Variants in RBM12B observed in about 807,000 individuals in gnomAD.
The protein encoded by RBM12B is RNA-binding protein 12B.
Under a neutral mutation model 34.3 loss-of-function variants are expected in RBM12B, and 10 were observed. The observed-to-expected ratio is 0.29, with a 90% CI of 0.18 to 0.49. RBM12B has a LOEUF of 0.49. Among genes scored for constraint, RBM12B ranks in the 20% least tolerant of loss-of-function variants. The probability of loss-of-function intolerance (pLI) is 0.99; values close to 1 mark genes in which losing one functional copy is unlikely to be tolerated. For synonymous variants in RBM12B, 477 were observed against 437.1 expected (o/e 1.09, Z -1.14); for missense variants, 1,139 against 1,262.7 (o/e 0.90, Z 1.48).
At chr8:93,738,472 G>A (rs1812091434) in intron 2 of RBM12B, among the ~76,000 whole-genome samples, 1 of 152,084 alleles carries the variant, frequency 6.6e-6, no homozygotes, top group Non-Finnish European at 1.5e-5. Context: ...TTTCTTTGGT[G>A]GGGGAGACAG....
Position 93,730,051 on chromosome 8 carries a change from C to A in RBM12B, c.*3354G>T, listed in dbSNP as rs1811726650. 6.6e-6 allele frequency: 1 copy of A among 152,194 alleles called. No homozygotes were observed. 9.4% of individuals were successfully genotyped at this position (152,194 alleles called of 1,614,324 possible). On this transcript the variant is annotated 3_prime_UTR_variant, in exon 4 of 4. Coordinates refer to ENST00000520560, the MANE Select transcript of RBM12B (RefSeq NM_001377960.1). ...TGCAATGAGCATTTTCTTTGAGCAT[C>A]ATGTTGGCACTCAAAAAGTTTGTGA...
chr8:93,736,241 A>G lies in RBM12B; in HGVS notation c.170T>C (p.Ile57Thr). 6.2e-7 allele frequency: 1 copy of G among 1,614,188 alleles called. No homozygotes were observed. The highest frequency in any genetic ancestry group is 8.5e-7 in the Non-Finnish European group (1 of 1,180,022). ...FATDEDARRA[I>T]SRSGGFIKDS... ...CTTGATAAACCCTCCTGAACGACTT[A>G]TGGCACGTCTTGCATCTTCATCTGT... The change falls in exon 4 of 4, where the codon ATA becomes ACA. Residue 57 changes from isoleucine (I) to threonine (T), a missense_variant. Ile to Thr is a moderately conservative substitution (Grantham distance 89). Coordinates refer to ENST00000520560, the MANE Select transcript of RBM12B (RefSeq NM_001377960.1).
At position 93,730,572 on chromosome 8, in the gene RBM12B, T is replaced by C. The variant is rs1811750916; in HGVS notation, c.*2833A>G. On this transcript the variant is annotated 3_prime_UTR_variant, in exon 4 of 4. Coordinates refer to ENST00000520560, the MANE Select transcript of RBM12B (RefSeq NM_001377960.1). ...GTGTACATGAAAATTTACTATTCTTTTTTTATATTTGAAATTGATGAGGTG... is the reference window on the plus strand; with the variant it reads ...GTGTACATGAAAATTTACTATTCTTCTTTTATATTTGAAATTGATGAGGTG... 6.6e-6 allele frequency: 1 copy of C among 152,182 alleles called. No homozygotes were observed. The highest frequency in any genetic ancestry group is 1.5e-5 in the Non-Finnish European group (1 of 68,036). 9.4% of individuals were successfully genotyped at this position (152,182 alleles called of 1,614,324 possible). A position where few individuals can be genotyped will look rare whatever the true frequency, so the allele number is the denominator to read the frequency against.
rs750938493 is a variant in RBM12B, at chr8:93,737,322, T to C, written c.-44A>G. 3.3e-5 allele frequency: 5 copies of C among 152,218 alleles called. No individual in the cohort carries two copies. The highest frequency in any genetic ancestry group is 5.9e-5 in the Non-Finnish European group (4 of 68,038). The allele number at this position is 152,218 out of a possible 1,614,324, so 9.4% of individuals were successfully genotyped here. A position where few individuals can be genotyped will look rare whatever the true frequency, so the allele number is the denominator to read the frequency against. ...GATATCTTACCTTTTTTAAAATTTC[T>C]TGGAGACCTGTTAACTCTGTAAAAG... On this transcript the variant is annotated 5_prime_UTR_variant, in exon 3 of 4. Transcript: ENST00000520560.
Position 93,732,053 on chromosome 8 carries a change from A to T in RBM12B, c.*1352T>A, listed in dbSNP as rs992668786. 2.0e-5 allele frequency: 3 copies of T among 152,232 alleles called. No individual in the cohort carries two copies. Among genetic ancestry groups the T allele is most frequent in the African/African-American group, 2.4e-5 (1 of 41,444 alleles). 9.4% of individuals were successfully genotyped at this position (152,232 alleles called of 1,614,324 possible). On this transcript the variant is annotated 3_prime_UTR_variant, in exon 4 of 4. Coordinates refer to ENST00000520560, the MANE Select transcript of RBM12B (RefSeq NM_001377960.1). ...TTCCTAATTAAAAATACCACTTAAA[A>T]AAGTGAGGCAGCAAAAGCATGAACT... is the stretch of plus-strand genomic sequence containing the variant.
chr8:93,735,632 T>C lies in RBM12B; in HGVS notation c.779A>G (p.Asn260Ser). Residue 260 changes from asparagine to serine, a missense_variant, in exon 4 of 4, where the codon AAT becomes AGT. Around this residue, in one of 3 missense-constraint regions of RBM12B, gnomAD observed 863 missense variants for 869.5 expected, o/e 0.99. Coordinates refer to ENST00000520560, the MANE Select transcript of RBM12B (RefSeq NM_001377960.1). ...AGACCGTTTTCGAAAATGTCTATCA[T>C]TAATTCCTCTTGGTGGAGAATGTTC... ...SEEHSPPRGINDRHFRKRSHS... is the reference protein window; with the variant it reads ...SEEHSPPRGISDRHFRKRSHS... 1 of 1,614,160 alleles carries C rather than the reference T, an allele frequency of 6.2e-7. No homozygotes were observed. Among genetic ancestry groups the C allele is most frequent in the Non-Finnish European group, 8.5e-7 (1 of 1,180,006 alleles).
chr8:93,736,121 C>T lies in RBM12B; in HGVS notation c.290G>A (p.Gly97Glu), dbSNP rs1244146264. 6.2e-7 allele frequency: 1 copy of T among 1,614,192 alleles called. No individual in the cohort carries two copies. Among genetic ancestry groups the T allele is most frequent in the Admixed American group, 1.7e-5 (1 of 60,028 alleles). ...RTDRVGRGRP[G>E]SGTSGVDSLS... is the part of the protein sequence containing the mutation. ...GCTGTCAACCCCTGATGTCCCAGAT[C>T]CTGGACGCCCTCTTCCTACACGATC... The change falls in exon 4 of 4, where the codon GGA (glycine) becomes GAA (glutamate). Residue 97 changes from glycine to glutamate, a missense_variant. Gly to Glu is a moderately conservative substitution (Grantham distance 98). This residue lies in a region of RBM12B where 216 missense variants were observed against 292.2 expected (regional missense o/e 0.74). Transcript: ENST00000520560.
Position 93,733,445 on chromosome 8 carries a change from C to G in RBM12B, c.2966G>C (p.Arg989Thr). The G allele has an allele frequency of 6.4e-7, 1 of 1,564,016 alleles. No homozygotes were observed. ...CTTAACTTTTCGGGGCCCAACTGGCCTATCATTTAGATCTTTAATAGCAGC... is the reference window on the plus strand; with the variant it reads ...CTTAACTTTTCGGGGCCCAACTGGCGTATCATTTAGATCTTTAATAGCAGC... ...AMAAIKDLND[R>T]PVGPRKVKLT... Residue 989 changes from arginine (R) to threonine (T), a missense_variant, in exon 4 of 4, where the codon AGG becomes ACG. Physicochemically the swap from Arg to Thr is moderately conservative, Grantham distance 71. This residue lies in a region of RBM12B where 60 missense variants were observed against 101.0 expected (regional missense o/e 0.59). Coordinates refer to ENST00000520560, the MANE Select transcript of RBM12B (RefSeq NM_001377960.1).
rs1193248387 is a variant in RBM12B at position 93,735,141 on chromosome 8, G to C, written c.1270C>G (p.Leu424Val). ...AAGTAAATGTCATCCTCAGCAAGAA[G>C]AAAGTCTGCAAAGAACTTCTGCACT... is the stretch of plus-strand genomic sequence containing the variant. ...VEVQKFFADFLLAEDDIYLLY... is the reference protein window; with the variant it reads ...VEVQKFFADFVLAEDDIYLLY... Residue 424 changes from leucine (L) to valine (V), a missense_variant, in exon 4 of 4, where the codon CTT (leucine) becomes GTT (valine). Physicochemically the swap from Leu to Val is conservative, Grantham distance 32. Transcript: ENST00000520560. The C allele has an allele frequency of 6.2e-7, 1 of 1,614,108 alleles. No individual in the cohort carries two copies. The highest frequency in any genetic ancestry group is 1.1e-5 in the South Asian group (1 of 91,078).
In RBM12B at chr8:93,732,491, C is replaced by T. The variant is rs1179517205; in HGVS notation, c.*914G>A. On this transcript the variant is annotated 3_prime_UTR_variant, in exon 4 of 4. Coordinates refer to ENST00000520560, the MANE Select transcript of RBM12B (RefSeq NM_001377960.1). ...TATGTGACTCATCAGTAAATTCTTC[C>T]TAGAAAAACAAACTATACCACTTGT... The T allele has an allele frequency of 2.0e-5, 3 of 152,154 alleles. No individual in the cohort carries two copies. The highest frequency in any genetic ancestry group is 2.9e-5 in the Non-Finnish European group (2 of 68,022). The allele number at this position is 152,154 out of a possible 1,614,324, so 9.4% of individuals were successfully genotyped here.
intron 3 of RBM12B, among the ~76,000 whole-genome samples, chr8:93,736,825 GA>G (rs1438717520): frequency 2.6e-5 from 4 of 152,188 alleles, no homozygotes; most frequent in Non-Finnish European, 5.9e-5. Context: ...CAACTGCAAT[GA>G]ATTTTACATA....
At position 93,733,645 on chromosome 8, in the gene RBM12B, A is replaced by G. The variant is rs1586308863; in HGVS notation, c.2766T>C (p.Gly922=). Residue 922 remains glycine, a synonymous_variant, in exon 4 of 4, where the codon GGT becomes GGC. Transcript: ENST00000520560. Reference sequence around the variant, plus strand: ...TCATTATCTTAATAGGAGTTACTCTACCTGAACCACAATTTATTTTTGGAT... The same window carrying G: ...TCATTATCTTAATAGGAGTTACTCTGCCTGAACCACAATTTATTTTTGGAT... ...MPDPKINCGS[G]RVTPIKIMNL... is the part of the protein sequence containing the mutation. 1 of 1,614,046 alleles carries G rather than the reference A, an allele frequency of 6.2e-7. No individual in the cohort carries two copies. The highest frequency in any genetic ancestry group is 8.5e-7 in the Non-Finnish European group (1 of 1,180,020).
Position 93,733,923 on chromosome 8 carries a change from G to T in RBM12B, c.2488C>A (p.Pro830Thr), listed in dbSNP as rs199858185. The change falls in exon 4 of 4, where the codon CCC becomes ACC. Residue 830 changes from proline to threonine, a missense_variant. By Grantham distance (38) the Pro-to-Thr change is conservative. Transcript: ENST00000520560. ...RHPPDEDFRS[P>T]QEEDFRCPSD... Reference sequence around the variant, plus strand: ...GGGCATCTAAAATCTTCCTCCTGGGGGCTCCTGAAGTCCTCATCAGGAGGG... The same window carrying T: ...GGGCATCTAAAATCTTCCTCCTGGGTGCTCCTGAAGTCCTCATCAGGAGGG... The T allele has an allele frequency of 6.2e-7, 1 of 1,613,374 alleles. No individual in the cohort carries two copies. Among genetic ancestry groups the T allele is most frequent in the Non-Finnish European group, 8.5e-7 (1 of 1,179,816 alleles).
In RBM12B at chr8:93,735,461, A is replaced by T; in HGVS notation, c.950T>A (p.Leu317Ter). 8 of 1,613,358 alleles carry T rather than the reference A, an allele frequency of 5.0e-6. No individual in the cohort carries two copies. The highest frequency in any genetic ancestry group is 6.8e-6 in the Non-Finnish European group (8 of 1,179,698). ...TCTTGTTCTATTTTCATCTTTATAT[A>T]AAAACCTAATCTGTTCATCAGTCAG... ...TDLTDEQIRF[L>*]YKDENRTRYA... Residue 317 changes from leucine (L) to a stop codon, truncating the protein, a stop_gained, in exon 4 of 4, where the codon TTA becomes TAA. Coordinates refer to ENST00000520560, the MANE Select transcript of RBM12B (RefSeq NM_001377960.1). LOFTEE classifies it low-confidence loss of function (END_TRUNC).
Position 93,735,133 on chromosome 8 carries a change from A to G in RBM12B, c.1278T>C (p.Ala426=), listed in dbSNP as rs1446898391. 2.5e-6 allele frequency: 4 copies of G among 1,614,148 alleles called. No individual in the cohort carries two copies. The highest frequency in any genetic ancestry group is 1.6e-4 in the Middle Eastern group (1 of 6,062). The stretch of plus-strand genomic sequence containing the variant: ...CATAAAGCAAGTAAATGTCATCCTC[A>G]GCAAGAAGAAAGTCTGCAAAGAACT... ...VQKFFADFLL[A]EDDIYLLYDD... Residue 426 remains alanine (A), a synonymous_variant, in exon 4 of 4, where the codon GCT becomes GCC. Transcript: ENST00000520560.
Position 93,735,497 on chromosome 8 carries a change from C to G in RBM12B, c.914G>C (p.Arg305Thr), listed in dbSNP as rs1190119949. The G allele has an allele frequency of 1.2e-6, 2 of 1,613,510 alleles. No homozygotes were observed. The highest frequency in any genetic ancestry group is 1.7e-6 in the Non-Finnish European group (2 of 1,179,708). The change falls in exon 4 of 4, where the codon AGA becomes ACA. Residue 305 changes from arginine (R) to threonine (T), a missense_variant. Coordinates refer to ENST00000520560, the MANE Select transcript of RBM12B (RefSeq NM_001377960.1). ...CTGTTCATCAGTCAGATCAGTACCT[C>G]TAAAGAAATTTCTTAAATCTCTTTC... ...IDERDLRNFF[R>T]GTDLTDEQIR...
intron 2 of RBM12B, chr8:93,740,144 C>T (rs1812150745): frequency 2.7e-6 from 1 of 368,632 alleles, no homozygotes; most frequent in Non-Finnish European, 5.3e-6. Flanking sequence ...CATAATTATT[C>T]TTTACGATGA....
chr8:93,735,250 T>A lies in RBM12B; in HGVS notation c.1161A>T (p.Ser387=), dbSNP rs772644848. 6 of 1,614,062 alleles carry A rather than the reference T, an allele frequency of 3.7e-6. 2 individuals are homozygous for A. The South Asian group carries it at 6.6e-5, about 18-fold the overall frequency. The change falls in exon 4 of 4, where the codon TCA becomes TCT. Residue 387 remains serine (S), a synonymous_variant. Coordinates refer to ENST00000520560, the MANE Select transcript of RBM12B (RefSeq NM_001377960.1). The part of the protein sequence containing the change: ...SLERDRPGHV[S]QKYSQEGNSG... ...AGTTACCTTCTTGAGAGTATTTTTG[T>A]GAAACATGTCCGGGCCTATCTCTCT...
rs551244518 is a variant in RBM12B, at chr8:93,728,825, C to T, written c.*4580G>A. ...ACCAAAGAGTAAAGATAATGTGACA[C>T]TAAGTTATCAATGTTTTATGAATAC... is the stretch of plus-strand genomic sequence containing the variant. On this transcript the variant is annotated 3_prime_UTR_variant, in exon 4 of 4. Coordinates refer to ENST00000520560, the MANE Select transcript of RBM12B (RefSeq NM_001377960.1). The T allele has an allele frequency of 6.6e-6, 1 of 152,078 alleles. No individual in the cohort carries two copies. Among genetic ancestry groups the T allele is most frequent in the East Asian group, 1.9e-4 (1 of 5,176 alleles). 9.4% of individuals were successfully genotyped at this position (152,078 alleles called of 1,614,324 possible). A position where few individuals can be genotyped will look rare whatever the true frequency, so the allele number is the denominator to read the frequency against.
Sources: allele counts gnomAD v4.1 joint callset (sites outside exome capture counted in the v4.1 genomes callset), GRCh38; gene constraint gnomAD v4.1.1; regional missense constraint gnomAD v4.1.1; transcripts MANE v1.5; gene names NCBI Gene and HGNC (gene_info 2026-07-23, HGNC 2026-07-21).